The following ZFPM2 variants were observed in gnomAD, a reference collection of about 807,000 sequenced individuals.
ZFPM2 encodes the protein zinc finger protein, FOG family member 2, also known as zinc finger protein ZFPM2.
ZFPM2 carries 20 observed loss-of-function variants against 98.6 expected under a neutral mutation model. The ratio of observed to expected loss-of-function variants is 0.20; its 90% CI spans 0.14 to 0.29. The LOEUF is 0.29. ZFPM2 is among the 10% of genes least tolerant of loss of function. ZFPM2 has a pLI of 1.00. For synonymous variants in ZFPM2, 518 were observed against 502.7 expected (o/e 1.03, Z -0.41); for missense variants, 1,310 against 1,388.6 (o/e 0.94, Z 0.90).
At chr8:105,706,606 G>T (rs1314830229) in intron 5 of ZFPM2, among the ~76,000 whole-genome samples, 1 of 151,910 alleles carries the variant, frequency 6.6e-6, no homozygotes, top group Non-Finnish European at 1.5e-5. Flanking sequence ...TTTGGAAATA[G>T]AGTCTCACTG....
chr8:105,561,556 C>T (rs2130699595), intron 4 of ZFPM2, 75 bp downstream of exon 4: 1 of 1,167,072 alleles, frequency 8.6e-7, no homozygotes, highest in East Asian at 2.5e-5. Flanking sequence ...GAAATTCTCT[C>T]TGCTTGCTTT....
chr8:105,801,079 G>A lies in ZFPM2; in HGVS notation c.997G>A (p.Ala333Thr). ...VKMEEFLPPGASLKCTVCSYT... is the reference protein window; with the variant it reads ...VKMEEFLPPGTSLKCTVCSYT... ...AATGGAAGAATTCCTGCCCCCTGGTGCTAGTCTAAAATGCACCGTCTGTAG... is the reference window on the plus strand; with the variant it reads ...AATGGAAGAATTCCTGCCCCCTGGTACTAGTCTAAAATGCACCGTCTGTAG... Residue 333 changes from alanine to threonine, a missense_variant, in exon 8 of 8, where the codon GCT (alanine) becomes ACT (threonine). By Grantham distance (58) the Ala-to-Thr change is moderately conservative. Transcript: ENST00000407775. The A allele has an allele frequency of 1.2e-6, 2 of 1,613,688 alleles. No individual in the cohort carries two copies. Among genetic ancestry groups the A allele is most frequent in the Non-Finnish European group, 1.7e-6 (2 of 1,179,690 alleles).
At chr8:105,349,243 A>T (rs1205006733) in intron 1 of ZFPM2, among the ~76,000 whole-genome samples, 1 of 152,172 alleles carries the variant, frequency 6.6e-6, no homozygotes, top group Admixed American at 6.6e-5. Context: ...CCACAGTTAG[A>T]TCCATATGAA....
intron 2 of ZFPM2, among the ~76,000 whole-genome samples, chr8:105,424,642 T>G (rs2130109545): frequency 6.6e-6 from 1 of 152,144 alleles, no homozygotes; most frequent in Non-Finnish European, 1.5e-5. Context: ...GACTTGGATT[T>G]AATGTTAGCC....
intron 1 of ZFPM2, among the ~76,000 whole-genome samples, chr8:105,388,608 C>T (rs1222262992): frequency 1.3e-5 from 2 of 152,122 alleles, no homozygotes; most frequent in African/African-American, 4.8e-5. Context: ...CTGAGGAATT[C>T]TCGGCATTGG....
chr8:105,729,263 G>T (rs781453645), intron 5 of ZFPM2, among the ~76,000 whole-genome samples: 3 of 151,638 alleles, frequency 2.0e-5, no homozygotes, highest in African/African-American at 7.3e-5. Flanking sequence ...AATAGTTTAT[G>T]ATTTTCTTTG....
chr8:105,761,084 G>C (rs1812725701), intron 5 of ZFPM2, among the ~76,000 whole-genome samples: 2 of 151,950 alleles, frequency 1.3e-5, no homozygotes, highest in Non-Finnish European at 2.9e-5. Flanking sequence ...AATGTACTAA[G>C]CTGAGTCATG....
intron 6 of ZFPM2, among the ~76,000 whole-genome samples, chr8:105,792,233 G>A (rs1251862978): frequency 1.3e-5 from 2 of 152,056 alleles, no homozygotes; most frequent in Admixed American, 1.3e-4. Context: ...ATTTAGTGCT[G>A]TAAATTTCCC....
intron 5 of ZFPM2, among the ~76,000 whole-genome samples, chr8:105,726,029 A>G (rs1446144343): frequency 1.3e-5 from 2 of 151,746 alleles, no homozygotes; most frequent in Non-Finnish European, 2.9e-5. Flanking sequence ...GATGAGTAAA[A>G]TAACCTATTT....
At chr8:105,722,881 TACC>T (rs927471550) in intron 5 of ZFPM2, among the ~76,000 whole-genome samples, 8 of 151,918 alleles carry the variant, frequency 5.3e-5, no homozygotes, top group Non-Finnish European at 1.2e-4. Context: ...TTCTGTATTA[TACC>T]AATCCTTCTT....
intron 7 of ZFPM2, among the ~76,000 whole-genome samples, chr8:105,799,985 C>T (rs774370520): frequency 2.6e-5 from 4 of 152,040 alleles, no homozygotes; most frequent in Non-Finnish European, 5.9e-5. Flanking sequence ...AATGAGCTAT[C>T]TTCATATAGA....
intron 3 of ZFPM2, among the ~76,000 whole-genome samples, chr8:105,542,157 A>C (rs16873356): frequency 0.015 from 2,316 of 152,026 alleles, 46 homozygotes; most frequent in African/African-American, 0.046. Flanking sequence ...TAATTAATTT[A>C]TTGATTGATA....
chr8:105,799,329 G>T (rs1813930661), intron 7 of ZFPM2, among the ~76,000 whole-genome samples: 2 of 152,106 alleles, frequency 1.3e-5, no homozygotes. Flanking sequence ...GAAATAATAG[G>T]TACATAAATA....
intron 1 of ZFPM2, among the ~76,000 whole-genome samples, chr8:105,339,804 CTTTAA>C (rs957434916): frequency 2.0e-5 from 3 of 151,876 alleles, no homozygotes; most frequent in African/African-American, 7.2e-5. Flanking sequence ...TCTCGCTCTG[CTTTAA>C]TTTAATTTTT....
intron 3 of ZFPM2, among the ~76,000 whole-genome samples, chr8:105,549,796 G>T (rs1296410878): frequency 6.6e-6 from 1 of 151,244 alleles, no homozygotes; most frequent in Non-Finnish European, 1.5e-5. Flanking sequence ...TATTTTTTTT[G>T]TAGAGATATG....
intron 4 of ZFPM2, among the ~76,000 whole-genome samples, chr8:105,631,468 G>A (rs1816754381): frequency 6.6e-6 from 1 of 152,096 alleles, no homozygotes. Flanking sequence ...CTTTGTTATA[G>A]ACTGTTCAGC....
chr8:105,513,370 A>G (rs747951760), intron 3 of ZFPM2, among the ~76,000 whole-genome samples: 1 of 152,188 alleles, frequency 6.6e-6, no homozygotes, highest in Non-Finnish European at 1.5e-5. Flanking sequence ...TTCTCTGTTC[A>G]AATTGATAAT....
intron 3 of ZFPM2, among the ~76,000 whole-genome samples, chr8:105,521,060 G>GACTGAACA (rs1814043737): frequency 6.6e-6 from 1 of 150,968 alleles, no homozygotes; most frequent in Non-Finnish European, 1.5e-5. Flanking sequence ...CAAGATAGTA[G>GACTGAACA]ACTGAACATA....
At chr8:105,330,633 CATATATAT>C (rs35450744) in intron 1 of ZFPM2, among the ~76,000 whole-genome samples, 3 of 85,454 alleles carry the variant, frequency 3.5e-5, no homozygotes, top group East Asian at 6.8e-4. Flanking sequence ...TATATATATA[CATATATAT>C]ATATATATTT....
Sources: allele counts gnomAD v4.1 joint callset (sites outside exome capture counted in the v4.1 genomes callset), GRCh38; gene constraint gnomAD v4.1.1; transcripts MANE v1.5; gene names NCBI Gene and HGNC (gene_info 2026-07-23, HGNC 2026-07-21).